The following CD5L variants were observed in gnomAD, a reference collection of about 807,000 sequenced individuals.
The protein encoded by CD5L is CD5 molecule like, also known as CD5 antigen-like.
A neutral mutation model predicts 40.8 loss-of-function variants in CD5L; 39 were observed. That is an observed-to-expected ratio of 0.96 (90% CI 0.74 to 1.25). The LOEUF is 1.25. Among genes scored for constraint, CD5L ranks in the 50% most tolerant of loss-of-function variants. The pLI is 0.00. For synonymous variants in CD5L, 192 were observed against 169.6 expected, an observed-to-expected ratio of 1.13 and a Z score of -1.03; for missense variants, 433 against 435.9, an observed-to-expected ratio of 0.99 and a Z score of 0.06.
intron 5 of CD5L, among the ~76,000 whole-genome samples, chr1:157,832,921 G>A (rs1175100490): frequency 2.0e-5 from 3 of 151,976 alleles, no homozygotes; most frequent in South Asian, 2.1e-4. Flanking sequence ...TTTTCAGAAC[G>A]CCTCTTGTTT....
At chr1:157,837,679 C>T (rs529532122) in intron 2 of CD5L, among the ~76,000 whole-genome samples, 6 of 152,248 alleles carry the variant, frequency 3.9e-5, no homozygotes, top group African/African-American at 1.2e-4. Context: ...CCAGATTTCC[C>T]ACAGACTAAC....
chr1:157,831,435 T>C lies in CD5L; in HGVS notation c.*529A>G. ...TGTTGCTATTGTGGTCACCTGAAGC[T>C]TGAGGAAAAAAAAAAAAAGTAGTCC... On this transcript the variant is annotated 3_prime_UTR_variant, in exon 6 of 6. Coordinates refer to ENST00000368174, the MANE Select transcript of CD5L (RefSeq NM_005894.3). The C allele has an allele frequency of 1.0e-6, 1 of 984,688 alleles. No individual in the cohort carries two copies. The highest frequency in any genetic ancestry group is 1.2e-6 in the Non-Finnish European group (1 of 829,812). 61.0% of individuals were successfully genotyped at this position (984,688 alleles called of 1,614,324 possible). A position where few individuals can be genotyped will look rare whatever the true frequency, so the allele number is the denominator to read the frequency against.
chr1:157,834,380 C>G (rs1446541564), intron 4 of CD5L, 27 bp downstream of exon 4: 1 of 1,563,748 alleles, frequency 6.4e-7, no homozygotes, highest in Admixed American at 1.7e-5. Flanking sequence ...CATGAATAAA[C>G]CTAGTCTTTG....
intron 2 of CD5L, among the ~76,000 whole-genome samples, chr1:157,838,342 A>G (rs1300768588): frequency 6.6e-6 from 1 of 152,200 alleles, no homozygotes. Context: ...AAACGTTTTT[A>G]TCTTCATGAG....
At position 157,835,815 on chromosome 1, in the gene CD5L, G is replaced by C; in HGVS notation, c.376+20C>G. ...GGGTATGGCAGCTGGCAAGTGGTCCGGGACCCCTGCCATACTCACTCTCAC... is the reference window on the plus strand; with the variant it reads ...GGGTATGGCAGCTGGCAAGTGGTCCCGGACCCCTGCCATACTCACTCTCAC... On this transcript the variant is annotated intron_variant, in intron 3 of 5. Transcript: ENST00000368174. 1.3e-6 allele frequency: 2 copies of C among 1,586,422 alleles called. No individual in the cohort carries two copies. Among genetic ancestry groups the C allele is most frequent in the Non-Finnish European group, 1.7e-6 (2 of 1,166,168 alleles).
chr1:157,837,820 G>C (rs1656262097), intron 2 of CD5L, among the ~76,000 whole-genome samples: 1 of 147,224 alleles, frequency 6.8e-6, no homozygotes, highest in Non-Finnish European at 1.5e-5. Context: ...CTGTCGCCCA[G>C]GCTGGAGTGC....
intron 1 of CD5L, 72 bp downstream of exon 1, chr1:157,841,602 G>A (rs2260040): frequency 0.73 from 948,399 of 1,306,050 alleles, 345,840 homozygotes; most frequent in South Asian, 0.84. Context: ...CCAGGTTGGC[G>A]GGGAGAAAGT....
intron 3 of CD5L, 36 bp from the exon 4 acceptor site, chr1:157,834,784 C>T (rs1020127830): frequency 1.3e-6 from 2 of 1,533,596 alleles, no homozygotes; most frequent in Non-Finnish European, 1.8e-6. Flanking sequence ...CTGTTCTCTG[C>T]CAGAACATGG....
chr1:157,827,487 C>G (rs1244520143), downstream of CD5L, among the ~76,000 whole-genome samples: 1 of 152,086 alleles, frequency 6.6e-6, no homozygotes, highest in Non-Finnish European at 1.5e-5. Flanking sequence ...GAATCAGGGG[C>G]ACCAAGTATA....
chr1:157,831,088 T>C lies in CD5L; in HGVS notation c.*876A>G, dbSNP rs944469690. 9 of 985,446 alleles carry C rather than the reference T, an allele frequency of 9.1e-6. No homozygotes were observed. In the African/African-American group the frequency reaches 1.0e-4, roughly 11 times the overall value. 61.0% of individuals were successfully genotyped at this position (985,446 alleles called of 1,614,324 possible). ...GGCCCCAAAGTCTCAGTTGATAAAG[T>C]GAAAATGATATTTTTCACTTTCGCT... is the stretch of plus-strand genomic sequence containing the variant. On this transcript the variant is annotated 3_prime_UTR_variant, in exon 6 of 6. Coordinates refer to ENST00000368174, the MANE Select transcript of CD5L (RefSeq NM_005894.3).
At chr1:157,832,092 G>T in intron 5 of CD5L, 124 bp from the exon 6 acceptor site, 1 of 716,190 alleles carries the variant, frequency 1.4e-6, no homozygotes, top group Non-Finnish European at 2.2e-6. Flanking sequence ...GCTAAGCCAT[G>T]TACAGATCCC....
At chr1:157,838,364 G>A (rs910857263) in intron 2 of CD5L, among the ~76,000 whole-genome samples, 5 of 152,082 alleles carry the variant, frequency 3.3e-5, no homozygotes, top group East Asian at 3.9e-4. Context: ...AGCATGAACC[G>A]TAAATAATTT....
intron 5 of CD5L, among the ~76,000 whole-genome samples, chr1:157,832,901 G>A (rs990383814): frequency 6.6e-6 from 1 of 152,064 alleles, no homozygotes; most frequent in African/African-American, 2.4e-5. Flanking sequence ...TAAAAATGTT[G>A]GTGAAATAAT....
downstream of CD5L, among the ~76,000 whole-genome samples, chr1:157,828,577 A>C (rs1571445466): frequency 6.6e-6 from 1 of 152,166 alleles, no homozygotes; most frequent in Non-Finnish European, 1.5e-5. Context: ...CTTGGTGAGA[A>C]TATTTTGAAA....
At chr1:157,832,099 T>A (rs1656066497) in intron 5 of CD5L, 131 bp from the exon 6 acceptor site, 1 of 645,334 alleles carries the variant, frequency 1.5e-6, no homozygotes, top group Middle Eastern at 2.7e-4. Context: ...CATGTACAGA[T>A]CCCACACTGA....
At chr1:157,836,616 GA>G (rs1450295090) in intron 2 of CD5L, among the ~76,000 whole-genome samples, 2 of 152,198 alleles carry the variant, frequency 1.3e-5, no homozygotes, top group Non-Finnish European at 2.9e-5. Flanking sequence ...GAGGTGTAAA[GA>G]GAATATCTGT....
downstream of CD5L, among the ~76,000 whole-genome samples, chr1:157,829,905 T>C (rs1656002489): frequency 6.6e-6 from 1 of 152,160 alleles, no homozygotes; most frequent in Non-Finnish European, 1.5e-5. Flanking sequence ...TCTGTGTGTC[T>C]CATCTATGTT....
In CD5L at chr1:157,833,250, G is replaced by T; in HGVS notation, c.981C>A (p.His327Gln). The T allele has an allele frequency of 6.2e-7, 1 of 1,614,090 alleles. No individual in the cohort carries two copies. Among genetic ancestry groups the T allele is most frequent in the Non-Finnish European group, 8.5e-7 (1 of 1,180,034 alleles). Residue 327 changes from histidine (H) to glutamine (Q), a missense_variant, in exon 5 of 6, where the codon CAC (histidine) becomes CAA (glutamine). Transcript: ENST00000368174. ...TGCAGTCGTGAAACCCCCAAAATCT[G>T]TGCTGGCACTGCTCCAGGGACTGCT... ...GEEQSLEQCQHRFWGFHDCTH... is the reference protein window; with the variant it reads ...GEEQSLEQCQQRFWGFHDCTH...
At chr1:157,839,507 A>C in intron 1 of CD5L, 97 bp from the exon 2 acceptor site, 1 of 1,286,324 alleles carries the variant, frequency 7.8e-7, no homozygotes, top group Non-Finnish European at 1.1e-6. Flanking sequence ...GTGAGACAAG[A>C]GTGGTAGATG....
Sources: allele counts gnomAD v4.1 joint callset (sites outside exome capture counted in the v4.1 genomes callset), GRCh38; gene constraint gnomAD v4.1.1; transcripts MANE v1.5; gene names NCBI Gene and HGNC (gene_info 2026-07-23, HGNC 2026-07-21).